Variants in PNOC observed in about 807,000 individuals in gnomAD.
PNOC encodes prepronociceptin, also known as nociceptin.
PNOC carries 10 observed loss-of-function variants against 15.6 expected under a neutral mutation model. The observed-to-expected ratio is 0.64, with a 90% CI of 0.40 to 1.09. PNOC has a LOEUF of 1.09. Ranked by LOEUF, PNOC falls within the 50% of genes least tolerant of loss-of-function variation. The pLI, the probability that PNOC is intolerant of heterozygous loss-of-function variation, is 0.01. For missense variants in PNOC, 220 were observed against 223.9 expected, an observed-to-expected ratio of 0.98 and a Z score of 0.11; for synonymous variants, 98 against 88.5, an observed-to-expected ratio of 1.11 and a Z score of -0.60.
At chr8:28,328,523 G>T (rs551851367) in intron 1 of PNOC, among the ~76,000 whole-genome samples, 1 of 152,306 alleles carries the variant, frequency 6.6e-6, no homozygotes, top group Non-Finnish European at 1.5e-5. Context: ...CGGGGTATGG[G>T]GGGTTGGGGG....
rs1338715719 is a variant in PNOC at position 28,343,051 on chromosome 8, C to T, written c.*157C>T. 1 of 954,900 alleles carries T rather than the reference C, an allele frequency of 1.0e-6. No homozygotes were observed. Among genetic ancestry groups the T allele is most frequent in the African/African-American group, 1.8e-5 (1 of 56,786 alleles). The allele number at this position is 954,900 out of a possible 1,614,324, so 59.2% of individuals were successfully genotyped here. ...GAGCGCCTGCAGATCCCGCAGGCTT[C>T]GTTTGCCTCCAGAACCTTCCCGTCT... On this transcript the variant is annotated 3_prime_UTR_variant, in exon 4 of 4. Coordinates refer to ENST00000301908, the MANE Select transcript of PNOC (RefSeq NM_006228.5).
chr8:28,318,404 G>A (rs1337766744), intron 1 of PNOC, among the ~76,000 whole-genome samples: 1 of 152,122 alleles, frequency 6.6e-6, no homozygotes, highest in Non-Finnish European at 1.5e-5. Context: ...AACATTGTTC[G>A]GCAGACTAAC....
intron 1 of PNOC, among the ~76,000 whole-genome samples, chr8:28,323,092 G>A (rs964734364): frequency 6.6e-6 from 1 of 152,142 alleles, no homozygotes; most frequent in African/African-American, 2.4e-5. Flanking sequence ...ACTCAATTAG[G>A]GTCCAGCTTC....
At chr8:28,317,149 G>C (rs892322847), upstream of PNOC, 1 of 152,766 alleles carries the variant, frequency 6.5e-6, no homozygotes, top group African/African-American at 2.4e-5. Flanking sequence ...AGGCTTGCAG[G>C]TTCTGCTGTT....
Position 28,322,004 on chromosome 8 carries a change from C to T in PNOC, c.-24+4688C>T, listed in dbSNP as rs373936017. 1.7e-4 allele frequency among the ~76,000 whole-genome samples: 26 copies of T among 152,310 alleles called. 1 individual carries two copies. The South Asian group carries it at 5.4e-3, about 32-fold the overall frequency. Reference sequence around the variant, plus strand: ...TCTGCAATGGGTCTAAGAAATGGGGCATCGGGAAGACCCACCTATCTTCTG... The same window carrying T: ...TCTGCAATGGGTCTAAGAAATGGGGTATCGGGAAGACCCACCTATCTTCTG... On this transcript the variant is annotated intron_variant, in intron 1 of 3. Transcript: ENST00000301908.
intron 2 of PNOC, among the ~76,000 whole-genome samples, chr8:28,337,218 A>G (rs1463588341): frequency 6.6e-6 from 1 of 152,210 alleles, no homozygotes; most frequent in Non-Finnish European, 1.5e-5. Flanking sequence ...CATTCCAAAC[A>G]GAAAGTTGGA....
rs771111975 is a variant in PNOC at position 28,339,214 on chromosome 8, G to T, written c.301G>T (p.Val101Phe). 6.2e-7 allele frequency: 1 copy of T among 1,612,834 alleles called. No individual in the cohort carries two copies. Among genetic ancestry groups the T allele is most frequent in the Non-Finnish European group, 8.5e-7 (1 of 1,178,876 alleles). ...EMQHLRRMPR[V>F]RSLFQEQEEP... Reference sequence around the variant, plus strand: ...GCAGCATCTGCGGCGAATGCCCCGAGTCCGGAGCTTGTTCCAGGAGCAGGA... The same window carrying T: ...GCAGCATCTGCGGCGAATGCCCCGATTCCGGAGCTTGTTCCAGGAGCAGGA... Residue 101 changes from valine to phenylalanine, a missense_variant, in exon 3 of 4, where the codon GTC (valine) becomes TTC (phenylalanine). Physicochemically the swap from Val to Phe is conservative, Grantham distance 50. Coordinates refer to ENST00000301908, the MANE Select transcript of PNOC (RefSeq NM_006228.5).
chr8:28,329,356 ACT>A (rs1801284063), intron 2 of PNOC, 73 bp downstream of exon 2: 15 of 1,561,184 alleles, frequency 9.6e-6, no homozygotes, highest in South Asian at 8.0e-5. Flanking sequence ...TCCAGAGCAG[ACT>A]CTGAGTGAGA....
chr8:28,338,435 G>A (rs1002008762), intron 2 of PNOC, among the ~76,000 whole-genome samples: 1 of 152,084 alleles, frequency 6.6e-6, no homozygotes, highest in Non-Finnish European at 1.5e-5. Context: ...GTTCAGCCCC[G>A]CACGTCCAGC....
At chr8:28,322,810 T>A (rs1801171290) in intron 1 of PNOC, among the ~76,000 whole-genome samples, 1 of 152,226 alleles carries the variant, frequency 6.6e-6, no homozygotes, top group Non-Finnish European at 1.5e-5. Context: ...TGAGTTTAAG[T>A]CCTGGCTCTG....
rs887671549 is a variant in PNOC at position 28,339,532 on chromosome 8, C to T, written c.*47+41C>T. The stretch of plus-strand genomic sequence containing the variant: ...ATAAGCTGGGGGCAAGGAGAGACCT[C>T]ACACACCAACTGTCTTAGCCTTGCT... On this transcript the variant is annotated intron_variant, in intron 3 of 3. Transcript: ENST00000301908. 4.2e-6 allele frequency: 6 copies of T among 1,421,252 alleles called. No homozygotes were observed. The African/African-American group carries it at 5.7e-5, about 14-fold the overall frequency. 88.0% of individuals were successfully genotyped at this position (1,421,252 alleles called of 1,614,324 possible). A position where few individuals can be genotyped will look rare whatever the true frequency, so the allele number is the denominator to read the frequency against.
chr8:28,325,269 C>T (rs1366449860), intron 1 of PNOC, among the ~76,000 whole-genome samples: 4 of 141,382 alleles, frequency 2.8e-5, no homozygotes, highest in African/African-American at 9.7e-5. Context: ...GTGGACATGG[C>T]TTCCCAGAAG....
chr8:28,325,759 G>A (rs1473290952), intron 1 of PNOC, among the ~76,000 whole-genome samples: 1 of 152,008 alleles, frequency 6.6e-6, no homozygotes, highest in African/African-American at 2.4e-5. Context: ...TGCAAGGTTA[G>A]GTGCCAGGAG....
At chr8:28,320,029 T>C (rs1801120925) in intron 1 of PNOC, among the ~76,000 whole-genome samples, 1 of 151,864 alleles carries the variant, frequency 6.6e-6, no homozygotes, top group African/African-American at 2.4e-5. Context: ...TACAATTAGT[T>C]TCAGTCTCAA....
chr8:28,330,519 C>T (rs1268110447), intron 2 of PNOC, among the ~76,000 whole-genome samples: 4 of 146,804 alleles, frequency 2.7e-5, no homozygotes, highest in East Asian at 3.9e-4. Flanking sequence ...CTCAGCCTCC[C>T]GAGTAGCTGG....
At chr8:28,341,323 C>G (rs1472748035) in intron 3 of PNOC, among the ~76,000 whole-genome samples, 2 of 152,154 alleles carry the variant, frequency 1.3e-5, no homozygotes, top group Non-Finnish European at 2.9e-5. Flanking sequence ...TCCAAAGGCC[C>G]CAAATTAACC....
At chr8:28,337,297 GC>G (rs1167493464) in intron 2 of PNOC, among the ~76,000 whole-genome samples, 1 of 142,416 alleles carries the variant, frequency 7.0e-6, no homozygotes, top group Non-Finnish European at 1.6e-5. Context: ...CCCATCTGAT[GC>G]CCGATCACCT....
At position 28,339,160 on chromosome 8, in the gene PNOC, G is replaced by T; in HGVS notation, c.247G>T (p.Ala83Ser). 6.2e-7 allele frequency: 1 copy of T among 1,613,654 alleles called. No homozygotes were observed. Among genetic ancestry groups the T allele is most frequent in the Non-Finnish European group, 8.5e-7 (1 of 1,179,578 alleles). Residue 83 changes from alanine to serine, a missense_variant, in exon 3 of 4, where the codon GCT becomes TCT. Coordinates refer to ENST00000301908, the MANE Select transcript of PNOC (RefSeq NM_006228.5). ...SPAAPEHVAA[A>S]LYQPRASEMQ... Reference sequence around the variant, plus strand: ...TGCCGCCCCAGAGCATGTGGCGGCTGCTCTCTACCAGCCGAGAGCTTCGGA... The same window carrying T: ...TGCCGCCCCAGAGCATGTGGCGGCTTCTCTCTACCAGCCGAGAGCTTCGGA...
chr8:28,329,342 C>T, intron 2 of PNOC, 59 bp downstream of exon 2: 2 of 1,595,772 alleles, frequency 1.3e-6, no homozygotes, highest in Admixed American at 1.7e-5. Context: ...TCCTCCCTCC[C>T]TACTCCAGAG....
Sources: gnomAD v4.1 joint callset for allele counts (sites outside exome capture counted in the v4.1 genomes callset) on GRCh38, gnomAD v4.1.1 for gene constraint, MANE v1.5 for transcripts, NCBI Gene and HGNC (gene_info 2026-07-23, HGNC 2026-07-21) for gene names.